Variants in SNX25 observed in about 807,000 individuals in gnomAD.
The protein encoded by SNX25 is sorting nexin-25.
Under a neutral mutation model 113.7 loss-of-function variants are expected in SNX25, and 62 were observed. That is an observed-to-expected ratio of 0.55 (90% CI 0.44 to 0.67). The LOEUF is 0.67. SNX25 is among the 30% of genes least tolerant of loss of function. SNX25 has a pLI of 0.00. For synonymous variants in SNX25, 421 were observed against 436.2 expected (o/e 0.97, Z 0.43); for missense variants, 1,014 against 1,161.0 (o/e 0.87, Z 1.84).
intron 8 of SNX25, 73 bp downstream of exon 8, chr4:185,320,937 T>C (rs1312525787): frequency 1.5e-6 from 2 of 1,357,254 alleles, no homozygotes; most frequent in Non-Finnish European, 2.0e-6. Flanking sequence ...AGCATGTCTG[T>C]TTTTCTCAAG....
intron 1 of SNX25, among the ~76,000 whole-genome samples, chr4:185,233,757 G>A (rs1415840252): frequency 1.3e-5 from 2 of 152,092 alleles, no homozygotes; most frequent in African/African-American, 4.8e-5. Flanking sequence ...AGTGTGTTTT[G>A]TAAAGATCTT....
chr4:185,247,867 G>A (rs1365118636), intron 2 of SNX25, among the ~76,000 whole-genome samples: 1 of 151,984 alleles, frequency 6.6e-6, no homozygotes, highest in Admixed American at 6.6e-5. Context: ...GTCTGGAAGT[G>A]GGAATAAATA....
downstream of SNX25, chr4:185,364,725 A>G (rs137861806): frequency 1.3e-5 from 2 of 152,228 alleles, no homozygotes; most frequent in East Asian, 1.9e-4. Flanking sequence ...AAAGTTGGCT[A>G]TTGATAAAAA....
At chr4:185,377,441 C>A in the SNX25 span, 1 of 164,074 alleles carries the variant, frequency 6.1e-6, no homozygotes, top group Non-Finnish European at 1.3e-5. Flanking sequence ...TAGCTTGACC[C>A]CAGGAGGCGG....
chr4:185,323,450 A>C (rs555319743), intron 8 of SNX25, 78 bp from the exon 9 acceptor site: 1 of 1,407,960 alleles, frequency 7.1e-7, no homozygotes, highest in South Asian at 1.3e-5. Flanking sequence ...CTGACTTTCA[A>C]ATGCAAATAA....
At chr4:185,280,533 A>G (rs1317872701) in intron 5 of SNX25, among the ~76,000 whole-genome samples, 1 of 152,196 alleles carries the variant, frequency 6.6e-6, no homozygotes, top group African/African-American at 2.4e-5. Context: ...CATTTTCTTC[A>G]ATGAACATAT....
intron 10 of SNX25, among the ~76,000 whole-genome samples, chr4:185,336,101 G>T (rs191883671): frequency 7.9e-5 from 12 of 152,248 alleles, no homozygotes; most frequent in South Asian, 4.1e-4. Context: ...GCATTTAAAA[G>T]ATATTATTTA....
intron 7 of SNX25, among the ~76,000 whole-genome samples, chr4:185,311,834 C>T (rs1024122356): frequency 1.5e-4 from 23 of 152,156 alleles, no homozygotes; most frequent in African/African-American, 5.6e-4. Context: ...GAAGGGCCAG[C>T]CCCAGCATAC....
intron 11 of SNX25, among the ~76,000 whole-genome samples, 166 bp downstream of exon 11, chr4:185,339,676 T>C (rs1328669776): frequency 1.3e-5 from 2 of 152,230 alleles, no homozygotes; most frequent in Non-Finnish European, 1.5e-5. Flanking sequence ...GGTTCACTCA[T>C]GACTGGGAAC....
At chr4:185,349,821 T>A (rs991503750) in intron 13 of SNX25, among the ~76,000 whole-genome samples, 3 of 152,232 alleles carry the variant, frequency 2.0e-5, no homozygotes, top group Middle Eastern at 3.2e-3. Context: ...TGTAATGATT[T>A]CCCTATTAAT....
chr4:185,300,246 C>T (rs1231636780), intron 6 of SNX25, among the ~76,000 whole-genome samples: 2 of 151,908 alleles, frequency 1.3e-5, no homozygotes, highest in Non-Finnish European at 2.9e-5. Context: ...TGGACCTCTG[C>T]CTCCAGGGTT....
At chr4:185,364,120 CAAAAT>C (rs2095378308), downstream of SNX25, 2 of 152,268 alleles carry the variant, frequency 1.3e-5, no homozygotes, top group Admixed American at 6.5e-5. Flanking sequence ...TCTCCAGAAA[CAAAAT>C]AAATCTGTAA....
At chr4:185,212,129 G>A (rs1485079068) in intron 1 of SNX25, among the ~76,000 whole-genome samples, 1 of 151,888 alleles carries the variant, frequency 6.6e-6, no homozygotes, top group Non-Finnish European at 1.5e-5. Flanking sequence ...TCCTAAAATA[G>A]CCTTAAATAA....
chr4:185,310,530 C>T lies in SNX25; in HGVS notation c.1163-105C>T. The T allele has an allele frequency of 6.0e-6, 5 of 829,538 alleles. No homozygotes were observed. In the South Asian group the frequency reaches 8.8e-5, roughly 15 times the overall value. 51.4% of individuals were successfully genotyped at this position (829,538 alleles called of 1,614,324 possible). ...CTGTTCTGTTATTTTGTTTAGTATC[C>T]ACTTGGTTCAGAATGCCCACAGCAG... On this transcript the variant is annotated intron_variant, in intron 6 of 18. Coordinates refer to ENST00000652585, the MANE Select transcript of SNX25 (RefSeq NM_001378034.2).
chr4:185,285,420 C>T (rs1367410061), intron 5 of SNX25, among the ~76,000 whole-genome samples: 3 of 152,190 alleles, frequency 2.0e-5, no homozygotes, highest in Admixed American at 1.3e-4. Context: ...TGAGTATTTT[C>T]GTGCGTTTCT....
intron 3 of SNX25, among the ~76,000 whole-genome samples, chr4:185,261,122 G>GTC (rs1560945113): frequency 5.2e-5 from 7 of 134,722 alleles, no homozygotes; most frequent in African/African-American, 2.0e-4. Flanking sequence ...CTCTGTGTGT[G>GTC]TGTGTGTGTG....
chr4:185,375,375 G>A, the SNX25 span, among the ~76,000 whole-genome samples: 2 of 137,954 alleles, frequency 1.4e-5, no homozygotes, highest in African/African-American at 2.7e-5. Flanking sequence ...AGAATCACTC[G>A]AACCCGGGAA....
intron 6 of SNX25, among the ~76,000 whole-genome samples, chr4:185,296,900 G>A (rs998778917): frequency 2.0e-5 from 3 of 152,098 alleles, no homozygotes; most frequent in African/African-American, 4.8e-5. Context: ...ATAGAATTTG[G>A]GGAGCTTAGT....
At chr4:185,289,348 A>G (rs557059338) in intron 6 of SNX25, among the ~76,000 whole-genome samples, 1 of 152,248 alleles carries the variant, frequency 6.6e-6, no homozygotes, top group Admixed American at 6.5e-5. Flanking sequence ...CCTGGTAGGG[A>G]GTGCTGGTTC....
Sources: gnomAD v4.1 joint callset for allele counts (sites outside exome capture counted in the v4.1 genomes callset) on GRCh38, gnomAD v4.1.1 for gene constraint, MANE v1.5 for transcripts, NCBI Gene and HGNC (gene_info 2026-07-23, HGNC 2026-07-21) for gene names.